NANOS3: variants seen among roughly 807,000 people sequenced by gnomAD.
The protein encoded by NANOS3 is nanos C2HC-type zinc finger 3.
In NANOS3, 11 loss-of-function variants were observed where a neutral mutation model predicts 13.8. That is an observed-to-expected ratio of 0.80 (90% CI 0.50 to 1.32). NANOS3 has a LOEUF of 1.32. Ranked by LOEUF, NANOS3 falls within the 40% of genes most tolerant of loss-of-function variation. The pLI is 0.00. For synonymous variants in NANOS3, 119 were observed against 115.4 expected (o/e 1.03, Z -0.20); for missense variants, 221 against 263.8 (o/e 0.84, Z 1.12).
At chr19:13,876,171 C>G (rs951365109), upstream of NANOS3, among the ~76,000 whole-genome samples, 4 of 152,066 alleles carry the variant, frequency 2.6e-5, no homozygotes, top group African/African-American at 9.7e-5. Context: ...CAGAGTCTTA[C>G]TCTGTTTCCC....
At chr19:13,871,370 G>C (rs916885574) in intron 1 of NANOS3, among the ~76,000 whole-genome samples, 2 of 152,186 alleles carry the variant, frequency 1.3e-5, no homozygotes, top group African/African-American at 4.8e-5. Context: ...GAGACAGGTG[G>C]ACCCAGATGG....
At chr19:13,878,535 C>T (rs1968565426) in intron 1 of NANOS3, among the ~76,000 whole-genome samples, 1 of 152,042 alleles carries the variant, frequency 6.6e-6, no homozygotes, top group South Asian at 2.1e-4. Flanking sequence ...CCACATCTGG[C>T]CCGCAGGGTT....
At chr19:13,867,263 G>A (rs980460295) in intron 1 of NANOS3, among the ~76,000 whole-genome samples, 2 of 151,936 alleles carry the variant, frequency 1.3e-5, no homozygotes, top group Admixed American at 1.3e-4. Flanking sequence ...TTATTTTTTT[G>A]AGACAGGGTC....
At chr19:13,862,533 TTTTTTTC>T (rs1215464197), upstream of NANOS3, among the ~76,000 whole-genome samples, 8 of 152,068 alleles carry the variant, frequency 5.3e-5, no homozygotes, top group Admixed American at 1.3e-4. Context: ...CTCTGCCTTT[TTTTTTTC>T]TTTTTTCTTT....
Position 13,877,252 on chromosome 19 carries a change from G to T in NANOS3, c.4G>T (p.Gly2Trp). The T allele has an allele frequency of 1.2e-6, 2 of 1,604,196 alleles. No individual in the cohort carries two copies. Among genetic ancestry groups the T allele is most frequent in the Non-Finnish European group, 1.7e-6 (2 of 1,173,092 alleles). Residue 2 changes from glycine (G) to tryptophan (W), a missense_variant, in exon 1 of 2, where the codon GGG becomes TGG. Around this residue, in one of 3 missense-constraint regions of NANOS3, gnomAD observed 112 missense variants for 116.3 expected, o/e 0.96. Coordinates refer to ENST00000339133, the MANE Select transcript of NANOS3 (RefSeq NM_001098622.3). Reference protein sequence around the residue: MGTFDLWTDYLG... With the variant: MWTFDLWTDYLG... ...GCCTGGCACATGCTGCCCAGCTATG[G>T]GGACCTTTGACCTGTGGACAGATTA...
At chr19:13,874,652 A>C (rs773994989), upstream of NANOS3, 1 of 511,924 alleles carries the variant, frequency 2.0e-6, no homozygotes, top group Admixed American at 2.0e-5. Flanking sequence ...CTCCCTCTTC[A>C]TGCTCTCTGG....
chr19:13,876,308 TTGTGTGTGTGTG>T (rs111824565), upstream of NANOS3, among the ~76,000 whole-genome samples: 6 of 149,192 alleles, frequency 4.0e-5, no homozygotes, highest in East Asian at 2.0e-4. Context: ...CCAGCTAATT[TTGTGTGTGTGTG>T]TGTGTGTGTG....
chr19:13,866,308 A>G (rs1976240026), intron 1 of NANOS3, among the ~76,000 whole-genome samples: 1 of 151,882 alleles, frequency 6.6e-6, no homozygotes. Context: ...GCTGATAGGG[A>G]CTGAGACGTC....
rs142216419 is a variant in NANOS3, at chr19:13,866,494, G to A, written n.21+1057G>A. 2.1e-3 allele frequency among the ~76,000 whole-genome samples: 322 copies of A among 152,238 alleles called. 2 individuals carry two copies. The highest frequency in any genetic ancestry group is 7.2e-3 in the African/African-American group (301 of 41,528). ...AGACATACAGCACCCCGATTAATACGCAGTCGAAAGTGATGCTGACACACA... is the reference window on the plus strand; with the variant it reads ...AGACATACAGCACCCCGATTAATACACAGTCGAAAGTGATGCTGACACACA... On this transcript the variant is annotated intron_variant and non_coding_transcript_variant, in intron 1 of 2. Transcript: ENST00000591161.
upstream of NANOS3, chr19:13,875,072 A>T (rs1312803763): frequency 5.1e-6 from 2 of 392,154 alleles, no homozygotes; most frequent in Non-Finnish European, 1.1e-5. Context: ...GACCCCAACC[A>T]CTCCTCTTTG....
At chr19:13,868,041 T>A (rs1172183817) in intron 1 of NANOS3, among the ~76,000 whole-genome samples, 2 of 143,098 alleles carry the variant, frequency 1.4e-5, no homozygotes, top group Non-Finnish European at 3.1e-5. Context: ...CCCAATAATA[T>A]TTTTTTTTTT....
In NANOS3 at chr19:13,877,392, G is replaced by C. The variant is rs1040457333; in HGVS notation, c.144G>C (p.Pro48=). 1 of 1,612,470 alleles carries C rather than the reference G, an allele frequency of 6.2e-7. No homozygotes were observed. The highest frequency in any genetic ancestry group is 8.5e-7 in the Non-Finnish European group (1 of 1,179,998). ...TGGAGCCGGTGTCAGCCCTGGAGCC[G>C]ATGCCAGCGCCGGAGTCGGTGCCAG... The part of the protein sequence containing the change: ...PMLEPVSALE[P]MPAPESVPVP... Residue 48 remains proline (P), a synonymous_variant, in exon 1 of 2, where the codon CCG becomes CCC. Coordinates refer to ENST00000339133, the MANE Select transcript of NANOS3 (RefSeq NM_001098622.3).
chr19:13,869,909 C>G (rs1008338328), intron 1 of NANOS3, among the ~76,000 whole-genome samples: 4 of 152,058 alleles, frequency 2.6e-5, no homozygotes, highest in Non-Finnish European at 5.9e-5. Context: ...GGGTTGAGAT[C>G]GAGAGGAGAC....
At chr19:13,879,727 TAA>T (rs60370043) in intron 1 of NANOS3, among the ~76,000 whole-genome samples, 47,914 of 141,024 alleles carry the variant, frequency 0.34, 9,859 homozygotes, top group African/African-American at 0.61. Flanking sequence ...GACCTCGTCT[TAA>T]AAAAAAAAAA....
rs200650349 is a variant in NANOS3 at position 13,868,683 on chromosome 19, T to A, written n.21+3246T>A. ...GGTGACAGCGAGACCTAGTCTCTTT[T>A]AAAAAAAAAAAAAAGAATGAAATCC... is the stretch of plus-strand genomic sequence containing the variant. On this transcript the variant is annotated intron_variant and non_coding_transcript_variant, in intron 1 of 2. Transcript: ENST00000591161. Among the ~76,000 whole-genome samples, 822 of 142,138 alleles carry A rather than the reference T, an allele frequency of 5.8e-3. 7 individuals carry two copies. Among genetic ancestry groups the A allele is most frequent in the African/African-American group, 0.015 (565 of 38,348 alleles). 93.2% of individuals were successfully genotyped at this position (142,138 alleles called of 152,430 possible).
At chr19:13,872,753 T>C (rs1968419788), upstream of NANOS3, among the ~76,000 whole-genome samples, 1 of 151,870 alleles carries the variant, frequency 6.6e-6, no homozygotes, top group African/African-American at 2.4e-5. Flanking sequence ...GCCCCCCCAC[T>C]CCACAGCCTG....
chr19:13,877,506 C>G lies in NANOS3; in HGVS notation c.258C>G (p.Ser86=), dbSNP rs768915285. 6.2e-7 allele frequency: 1 copy of G among 1,611,738 alleles called. No homozygotes were observed. Among genetic ancestry groups the G allele is most frequent in the Admixed American group, 1.7e-5 (1 of 60,030 alleles). ...CTTTCTGCAAACACAACGGCGAGTC[C>G]CGGGCCATCTACCAGTCCCACGTGC... ...LCSFCKHNGE[S]RAIYQSHVLK... is the part of the protein sequence containing the mutation. The change falls in exon 1 of 2, where the codon TCC becomes TCG. Residue 86 remains serine (S), a synonymous_variant. Transcript: ENST00000339133.
intron 1 of NANOS3, among the ~76,000 whole-genome samples, chr19:13,867,149 C>T (rs1395293612): frequency 1.3e-5 from 2 of 151,996 alleles, no homozygotes; most frequent in African/African-American, 4.8e-5. Flanking sequence ...CCATGTTGGC[C>T]AGGCTGGTCT....
Position 13,877,731 on chromosome 19 carries a change from C to T in NANOS3, c.483C>T (p.Asp161=), listed in dbSNP as rs779392156. ...GGCCTGACAAGGCGAAGACACAGGACACAGGCCACCGCCGAGGAGGAGGAG... is the reference window on the plus strand; with the variant it reads ...GGCCTGACAAGGCGAAGACACAGGATACAGGCCACCGCCGAGGAGGAGGAG... ...LVRPDKAKTQ[D]TGHRRGGGGG... Residue 161 remains aspartate, a synonymous_variant, in exon 1 of 2, where the codon GAC becomes GAT. Transcript: ENST00000339133. 1 of 1,591,820 alleles carries T rather than the reference C, an allele frequency of 6.3e-7. No homozygotes were observed. The highest frequency in any genetic ancestry group is 8.5e-7 in the Non-Finnish European group (1 of 1,170,898).
Sources: allele counts gnomAD v4.1 joint callset (sites outside exome capture counted in the v4.1 genomes callset), GRCh38; gene constraint gnomAD v4.1.1; regional missense constraint gnomAD v4.1.1; transcripts MANE v1.5; gene names NCBI Gene and HGNC (gene_info 2026-07-23, HGNC 2026-07-21).